The following TGFBR3 variants were observed in gnomAD, a reference collection of about 807,000 sequenced individuals.
TGFBR3 encodes the protein transforming growth factor beta receptor 3, also known as transforming growth factor beta receptor type 3.
Under a neutral mutation model 87.9 loss-of-function variants are expected in TGFBR3, and 46 were observed. The ratio of observed to expected loss-of-function variants is 0.52; its 90% CI spans 0.41 to 0.67. The LOEUF is 0.67. Ranked by LOEUF, TGFBR3 falls within the 30% of genes least tolerant of loss-of-function variation. TGFBR3 has a pLI of 0.00. For synonymous variants in TGFBR3, 381 were observed against 391.6 expected, an observed-to-expected ratio of 0.97 and a Z score of 0.32; for missense variants, 866 against 1,041.9, an observed-to-expected ratio of 0.83 and a Z score of 2.32.
intron 4 of TGFBR3, among the ~76,000 whole-genome samples, chr1:91,744,462 T>C (rs11582616): frequency 0.12 from 18,298 of 152,242 alleles, 1,263 homozygotes; most frequent in South Asian, 0.25. Flanking sequence ...TATATTTCTA[T>C]TGGACAGTGC....
At chr1:91,903,338 CA>C (rs58672104) in intron 1 of TGFBR3, among the ~76,000 whole-genome samples, 3,520 of 50,026 alleles carry the variant, frequency 0.07, 38 homozygotes, top group African/African-American at 0.14. Context: ...GATTCTGCCT[CA>C]AAAAAAAAAA....
chr1:91,769,782 C>A (rs926738751), intron 3 of TGFBR3, among the ~76,000 whole-genome samples: 1 of 151,940 alleles, frequency 6.6e-6, no homozygotes, highest in South Asian at 2.1e-4. Flanking sequence ...CCAAAAAGGC[C>A]GAGACAGCTG....
intron 13 of TGFBR3, among the ~76,000 whole-genome samples, chr1:91,709,821 G>A (rs1671920388): frequency 6.6e-6 from 1 of 152,126 alleles, no homozygotes; most frequent in African/African-American, 2.4e-5. Context: ...GAGTACAGTG[G>A]TACAATCATG....
chr1:91,780,494 A>T (rs966257868), intron 3 of TGFBR3, among the ~76,000 whole-genome samples: 1 of 146,680 alleles, frequency 6.8e-6, no homozygotes, highest in Non-Finnish European at 1.5e-5. Context: ...TATGAGACAG[A>T]GTACCATGAA....
chr1:91,780,838 G>C (rs557542771), intron 3 of TGFBR3, among the ~76,000 whole-genome samples: 1 of 151,564 alleles, frequency 6.6e-6, no homozygotes, highest in South Asian at 2.1e-4. Flanking sequence ...GATTACAGGT[G>C]TGAGCCACTG....
intron 9 of TGFBR3, 45 bp downstream of exon 9, chr1:91,719,848 G>A (rs1435639986): frequency 3.1e-6 from 5 of 1,596,712 alleles, no homozygotes; most frequent in Non-Finnish European, 4.3e-6. Context: ...GGCCAGATGG[G>A]AAAGGAGGTA....
At chr1:91,865,773 G>A (rs1253583328) in intron 1 of TGFBR3, among the ~76,000 whole-genome samples, 6 of 151,990 alleles carry the variant, frequency 3.9e-5, no homozygotes, top group Non-Finnish European at 8.8e-5. Context: ...TTAGCCGGGC[G>A]CGGTGGCAGG....
chr1:91,701,642 C>T (rs962562742), intron 14 of TGFBR3, among the ~76,000 whole-genome samples: 6 of 152,048 alleles, frequency 3.9e-5, no homozygotes, highest in East Asian at 1.9e-4. Flanking sequence ...TTTTCATAAA[C>T]GGGATATTTC....
rs1417737738 is a variant in TGFBR3 at position 91,680,799 on chromosome 1, C to T, written c.*2940G>A. The T allele has an allele frequency of 2.2e-6, 1 of 453,582 alleles. No individual in the cohort carries two copies. The highest frequency in any genetic ancestry group is 2.3e-5 in the Admixed American group (1 of 42,572). 28.1% of individuals were successfully genotyped at this position (453,582 alleles called of 1,614,324 possible). A position where few individuals can be genotyped will look rare whatever the true frequency, so the allele number is the denominator to read the frequency against. ...TGAGCACCCCACACACACTCACAAT[C>T]ATGCCCACTAAGAACACAAGCAGGA... On this transcript the variant is annotated 3_prime_UTR_variant, in exon 17 of 17. Coordinates refer to ENST00000212355, the MANE Select transcript of TGFBR3 (RefSeq NM_003243.5).
intron 2 of TGFBR3, among the ~76,000 whole-genome samples, chr1:91,817,015 T>C (rs1676257795): frequency 6.6e-6 from 1 of 152,202 alleles, no homozygotes; most frequent in Non-Finnish European, 1.5e-5. Context: ...AGAACCAAAC[T>C]GTGGCCCTAA....
At chr1:91,832,595 T>C (rs1353022723) in intron 2 of TGFBR3, among the ~76,000 whole-genome samples, 1 of 152,178 alleles carries the variant, frequency 6.6e-6, no homozygotes, top group Non-Finnish European at 1.5e-5. Context: ...GTCATAAAAT[T>C]ATTGAATCAA....
chr1:91,886,866 G>A (rs978820045), upstream of TGFBR3, among the ~76,000 whole-genome samples: 1 of 151,982 alleles, frequency 6.6e-6, no homozygotes. Context: ...CCGGAGGTGG[G>A]CGCGATATGA....
rs376352192 is a variant in TGFBR3 at position 91,725,634 on chromosome 1, A to G, written c.885+2025T>C. ...TATTTGGCAAATAAATGAACAAACA[A>G]ATGAACTCAGCTAATGAACCACAAA... On this transcript the variant is annotated intron_variant, in intron 7 of 16. Coordinates refer to ENST00000212355, the MANE Select transcript of TGFBR3 (RefSeq NM_003243.5). Among the ~76,000 whole-genome samples, 66 of 152,292 alleles carry G rather than the reference A, an allele frequency of 4.3e-4. No homozygotes were observed. The East Asian group carries it at 7.7e-3, about 18-fold the overall frequency.
intron 4 of TGFBR3, among the ~76,000 whole-genome samples, chr1:91,751,261 AT>A (rs1163451690): frequency 6.6e-6 from 1 of 152,138 alleles, no homozygotes; most frequent in Non-Finnish European, 1.5e-5. Context: ...AGAATACAGA[AT>A]TTTTTTTAAA....
intron 2 of TGFBR3, among the ~76,000 whole-genome samples, chr1:91,849,207 T>A (rs1162719071): frequency 6.6e-6 from 1 of 152,176 alleles, no homozygotes; most frequent in East Asian, 1.9e-4. Context: ...AGTGGTCCTG[T>A]TAAGACATCC....
At chr1:91,821,048 T>C (rs893029790) in intron 2 of TGFBR3, among the ~76,000 whole-genome samples, 1 of 151,738 alleles carries the variant, frequency 6.6e-6, no homozygotes, top group Non-Finnish European at 1.5e-5. Flanking sequence ...GTAATAGTAA[T>C]GGCCGGGCAC....
intron 1 of TGFBR3, among the ~76,000 whole-genome samples, chr1:91,882,723 C>T (rs751527675): frequency 3.3e-5 from 5 of 151,862 alleles, no homozygotes; most frequent in East Asian, 3.9e-4. Flanking sequence ...CCCGCCCGGG[C>T]GACAGAGCGA....
chr1:91,718,693 C>G (rs1473849050), intron 10 of TGFBR3, among the ~76,000 whole-genome samples: 1 of 152,146 alleles, frequency 6.6e-6, no homozygotes, highest in Non-Finnish European at 1.5e-5. Context: ...CTGGAAAATG[C>G]AGCTTAGCTA....
In TGFBR3 at chr1:91,744,854, G is replaced by A. The variant is rs566303009; in HGVS notation, c.385-9895C>T. ...CTGCACTGATGATAAAAAGCCAAGA[G>A]GGAGAGTGTAAAGCCAAGTCATGGA... On this transcript the variant is annotated intron_variant, in intron 4 of 16. Transcript: ENST00000212355. 1.9e-3 allele frequency among the ~76,000 whole-genome samples: 293 copies of A among 152,330 alleles called. 1 individual carries two copies. Among genetic ancestry groups the A allele is most frequent in the African/African-American group, 6.8e-3 (283 of 41,584 alleles).
Sources: allele counts gnomAD v4.1 joint callset (sites outside exome capture counted in the v4.1 genomes callset), GRCh38; gene constraint gnomAD v4.1.1; transcripts MANE v1.5; gene names NCBI Gene and HGNC (gene_info 2026-07-23, HGNC 2026-07-21).